NF1: variants seen among roughly 807,000 people sequenced by gnomAD.
NF1 encodes neurofibromin 1.
NF1 carries 122 observed loss-of-function variants against 325.7 expected under a neutral mutation model. That is an observed-to-expected ratio of 0.37 (90% confidence interval 0.32 to 0.44). The LOEUF (loss-of-function observed/expected upper bound fraction) is 0.44. Ranked by LOEUF, NF1 falls within the 20% of genes least tolerant of loss-of-function variation. The pLI, the probability that NF1 is intolerant of heterozygous loss-of-function variation, is 1.00. For synonymous variants in NF1, 1,091 were observed against 1,186.0 expected, an observed-to-expected ratio of 0.92 and a Z score of 1.65; for missense variants, 2,140 against 3,415.4, an observed-to-expected ratio of 0.63 and a Z score of 9.31.
At position 31,376,070 on chromosome 17, in the gene NF1, G is replaced by C. The variant is rs2070726745; in HGVS notation, c.*1915G>C. 4 of 232,892 alleles carry C rather than the reference G, an allele frequency of 1.7e-5. No individual in the cohort carries two copies. Among genetic ancestry groups the C allele is most frequent in the Non-Finnish European group, 3.4e-5 (4 of 117,756 alleles). 14.4% of individuals were successfully genotyped at this position (232,892 alleles called of 1,614,324 possible). A position where few individuals can be genotyped will look rare whatever the true frequency, so the allele number is the denominator to read the frequency against. Reference sequence around the variant, plus strand: ...TGACTATATAAAAAAGCTGAAATTAGAACTGTGTTTAGAAATAGATCAGTA... The same window carrying C: ...TGACTATATAAAAAAGCTGAAATTACAACTGTGTTTAGAAATAGATCAGTA... On this transcript the variant is annotated 3_prime_UTR_variant, in exon 58 of 58. Transcript: ENST00000358273.
rs777889615 is a variant in NF1, at chr17:31,305,556, T to A, written c.4836-20264T>A. The A allele has an allele frequency of 3.1e-6, 5 of 1,614,064 alleles. No homozygotes were observed. In the South Asian group the frequency reaches 4.4e-5, roughly 14 times the overall value. Reference sequence around the variant, plus strand: ...TAATTGTCTCTGTCTTTGAAAAAAATGTATTGTTCAGGTGTCCACAAAACA... The same window carrying A: ...TAATTGTCTCTGTCTTTGAAAAAAAAGTATTGTTCAGGTGTCCACAAAACA... On this transcript the variant is annotated intron_variant, in intron 36 of 57. Transcript: ENST00000358273.
intron 51 of NF1, 128 bp from the exon 52 acceptor site, chr17:31,356,332 A>C: frequency 1.1e-6 from 1 of 901,842 alleles, no homozygotes; most frequent in South Asian, 1.4e-5. Flanking sequence ...CCAGGGATGT[A>C]TTAGAGCTTT....
rs767042846 is a variant in NF1 at position 31,155,933 on chromosome 17, C to A, written c.61-50C>A. 2.5e-6 allele frequency: 4 copies of A among 1,580,058 alleles called. No individual in the cohort carries two copies. The South Asian group carries it at 3.5e-5, about 14-fold the overall frequency. On this transcript the variant is annotated intron_variant, in intron 1 of 57. Transcript: ENST00000358273. ...CAATGGCAAGTAAGTTATTTATGGT[C>A]GTTTTTAAGGATAAGCTGTTAACGT...
Position 31,232,925 on chromosome 17 carries a change from G to A in NF1, c.3496+44G>A, listed in dbSNP as rs748990974. 4 of 1,613,586 alleles carry A rather than the reference G, an allele frequency of 2.5e-6. No individual in the cohort carries two copies. In the Admixed American group the frequency reaches 6.7e-5, roughly 27 times the overall value. On this transcript the variant is annotated intron_variant, in intron 26 of 57. Transcript: ENST00000358273. ...TTCATATAGAAATACAAAACCTAGA[G>A]AACTGGCATGTAAGAGAAGCAAAAA...
chr17:31,277,716 G>A (rs187736267), intron 36 of NF1, among the ~76,000 whole-genome samples: 3 of 152,142 alleles, frequency 2.0e-5, no homozygotes, highest in Admixed American at 2.0e-4. Context: ...CAGGGTCCCA[G>A]TGGGCTGGCT....
intron 2 of NF1, among the ~76,000 whole-genome samples, chr17:31,158,397 A>T (rs890432461): frequency 1.3e-5 from 2 of 152,182 alleles, no homozygotes; most frequent in Non-Finnish European, 2.9e-5. Context: ...CCTCTGTTGC[A>T]GTGTGTGGGG....
At chr17:31,238,448 CTT>C (rs965150911) in intron 29 of NF1, among the ~76,000 whole-genome samples, 6 of 152,096 alleles carry the variant, frequency 3.9e-5, no homozygotes, top group Admixed American at 3.3e-4. Flanking sequence ...CTAAGAAACT[CTT>C]TGAGTCTGGC....
intron 1 of NF1, among the ~76,000 whole-genome samples, chr17:31,151,931 G>A (rs1916970782): frequency 6.6e-6 from 1 of 151,962 alleles, no homozygotes; most frequent in Non-Finnish European, 1.5e-5. Context: ...TGTGCACAAT[G>A]TGCAGGTTTG....
chr17:31,096,314 T>G lies in NF1; in HGVS notation c.60+945T>G, dbSNP rs189719113. On this transcript the variant is annotated intron_variant, in intron 1 of 57. Transcript: ENST00000358273. ...GGATCATTCTGCTAGTGTTTGTGGT[T>G]GTTTTTGACTCTCTCCTGGTTGACA... Among the ~76,000 whole-genome samples the G allele has an allele frequency of 6.2e-3, 855 of 137,570 alleles. 6 individuals carry two copies. Among genetic ancestry groups the G allele is most frequent in the African/African-American group, 0.029 (818 of 27,936 alleles). 90.3% of individuals were successfully genotyped at this position (137,570 alleles called of 152,430 possible).
At chr17:31,264,189 A>G (rs1280373013) in intron 35 of NF1, among the ~76,000 whole-genome samples, 1 of 152,182 alleles carries the variant, frequency 6.6e-6, no homozygotes, top group Non-Finnish European at 1.5e-5. Context: ...ACCTGAGGTC[A>G]GGAGTTCGAG....
intron 36 of NF1, among the ~76,000 whole-genome samples, chr17:31,301,987 T>G (rs532937415): frequency 8.2e-4 from 125 of 152,320 alleles, no homozygotes; most frequent in African/African-American, 2.7e-3. Flanking sequence ...AGCATTTTCT[T>G]CTGTCCTGCA....
chr17:31,287,613 G>A (rs1013473119), intron 36 of NF1, among the ~76,000 whole-genome samples: 1 of 151,608 alleles, frequency 6.6e-6, no homozygotes, highest in Admixed American at 6.6e-5. Flanking sequence ...AGGCTAGAGT[G>A]CAGTGGCATG....
intron 36 of NF1, among the ~76,000 whole-genome samples, chr17:31,275,864 C>G (rs980204117): frequency 1.3e-5 from 2 of 152,108 alleles, no homozygotes; most frequent in African/African-American, 4.8e-5. Context: ...CTTATTCCTT[C>G]TATTCCCTCT....
intron 51 of NF1, 33 bp from the exon 52 acceptor site, chr17:31,356,427 A>C (rs1416851875): frequency 9.3e-6 from 15 of 1,607,380 alleles, no homozygotes; most frequent in African/African-American, 1.3e-5. Flanking sequence ...ACTGTAGTTA[A>C]TGAACTTGCA....
chr17:31,291,690 T>C (rs1452611022), intron 36 of NF1, among the ~76,000 whole-genome samples: 2 of 152,248 alleles, frequency 1.3e-5, no homozygotes, highest in African/African-American at 2.4e-5. Flanking sequence ...TGTTGTTTGA[T>C]AGCATCATTA....
At chr17:31,108,652 C>G (rs1017946308) in intron 1 of NF1, among the ~76,000 whole-genome samples, 5 of 152,168 alleles carry the variant, frequency 3.3e-5, no homozygotes, top group African/African-American at 7.2e-5. Flanking sequence ...CGTATTCCTA[C>G]CCATTTCCTG....
intron 12 of NF1, among the ~76,000 whole-genome samples, chr17:31,212,856 CAAT>C (rs1021825167): frequency 1.5e-4 from 23 of 152,144 alleles, no homozygotes; most frequent in African/African-American, 5.1e-4. Flanking sequence ...TCACTACAAA[CAAT>C]AACGCATTGT....
At chr17:31,282,298 C>G (rs974243947) in intron 36 of NF1, among the ~76,000 whole-genome samples, 2 of 150,630 alleles carry the variant, frequency 1.3e-5, no homozygotes, top group African/African-American at 4.9e-5. Flanking sequence ...AGGAGAATGG[C>G]TTGAACCTGG....
intron 29 of NF1, among the ~76,000 whole-genome samples, chr17:31,241,796 C>G (rs1471599822): frequency 1.3e-5 from 2 of 152,146 alleles, no homozygotes; most frequent in Non-Finnish European, 2.9e-5. Context: ...ACCACAATTA[C>G]AGTGTTATAA....
Sources: allele counts gnomAD v4.1 joint callset (sites outside exome capture counted in the v4.1 genomes callset), GRCh38; gene constraint gnomAD v4.1.1; transcripts MANE v1.5; gene names NCBI Gene and HGNC (gene_info 2026-07-23, HGNC 2026-07-21).